The following SEC24C variants were observed in gnomAD, a reference collection of about 807,000 sequenced individuals.
The protein encoded by SEC24C is protein transport protein Sec24C.
Under a neutral mutation model 117.0 loss-of-function variants are expected in SEC24C, and 22 were observed. That is an observed-to-expected ratio of 0.19 (90% confidence interval 0.13 to 0.27). The LOEUF (loss-of-function observed/expected upper bound fraction) is 0.27. Among genes scored for constraint, SEC24C ranks in the 10% least tolerant of loss-of-function variants. The pLI is 1.00. For synonymous variants in SEC24C, 506 were observed against 529.4 expected, an observed-to-expected ratio of 0.96 and a Z score of 0.61; for missense variants, 1,155 against 1,375.1, an observed-to-expected ratio of 0.84 and a Z score of 2.53.
intron 3 of SEC24C, among the ~76,000 whole-genome samples, chr10:73,753,989 T>G (rs904861663): frequency 2.6e-5 from 4 of 152,080 alleles, no homozygotes; most frequent in African/African-American, 9.7e-5. Context: ...TACCTGTCAT[T>G]AGTGTAGTGT....
At chr10:73,754,499 T>C (rs2082684460) in intron 3 of SEC24C, among the ~76,000 whole-genome samples, 1 of 152,206 alleles carries the variant, frequency 6.6e-6, no homozygotes, top group African/African-American at 2.4e-5. Flanking sequence ...ACCTTCAAGA[T>C]GTATCCCAAA....
chr10:73,753,391 T>A (rs1180048745), intron 3 of SEC24C, among the ~76,000 whole-genome samples: 2 of 152,136 alleles, frequency 1.3e-5, no homozygotes, highest in Non-Finnish European at 2.9e-5. Context: ...TACACTTGGC[T>A]GGGTGAGGTG....
chr10:73,748,686 C>A (rs1224612990), intron 2 of SEC24C, among the ~76,000 whole-genome samples: 2 of 151,946 alleles, frequency 1.3e-5, no homozygotes, highest in African/African-American at 4.8e-5. Context: ...ATCCACCCGC[C>A]TCAGCCTCCC....
At chr10:73,758,080 C>G (rs892253007) in intron 3 of SEC24C, among the ~76,000 whole-genome samples, 1 of 151,506 alleles carries the variant, frequency 6.6e-6, no homozygotes, top group African/African-American at 2.4e-5. Context: ...ACTAAAAATA[C>G]AAAAATTAGC....
rs1281428221 is a variant in SEC24C at position 73,765,464 on chromosome 10, T to C, written c.1241T>C (p.Val414Ala). ...TTTGCGCCTTAGGCTTCACCGTATG[T>C]TGTGGACCATGGGGAATCTGGCCCT... ...RLPPEEASPY[V>A]VDHGESGPLR... Residue 414 changes from valine (V) to alanine (A), a missense_variant, in exon 9 of 23, where the codon GTT becomes GCT. This residue lies in a region of SEC24C where 759 missense variants were observed against 992.3 expected (regional missense o/e 0.76). Transcript: ENST00000345254. 1 of 1,613,414 alleles carries C rather than the reference T, an allele frequency of 6.2e-7. No individual in the cohort carries two copies. Among genetic ancestry groups the C allele is most frequent in the East Asian group, 2.2e-5 (1 of 44,862 alleles).
At chr10:73,758,044 G>A (rs2082738566) in intron 3 of SEC24C, among the ~76,000 whole-genome samples, 1 of 151,118 alleles carries the variant, frequency 6.6e-6, no homozygotes, top group South Asian at 2.1e-4. Context: ...AGACCAGCCC[G>A]GCCAACATAG....
chr10:73,746,091 T>G (rs1373780365), intron 1 of SEC24C, among the ~76,000 whole-genome samples: 1 of 137,002 alleles, frequency 7.3e-6, no homozygotes, highest in African/African-American at 2.8e-5. Context: ...ACCCAGGAGG[T>G]GAAGGTTGCA....
chr10:73,767,621 T>G (rs2082904999), intron 14 of SEC24C, among the ~76,000 whole-genome samples: 1 of 152,106 alleles, frequency 6.6e-6, no homozygotes, highest in Non-Finnish European at 1.5e-5. Context: ...TGAGCTGAGA[T>G]CATGCCACTC....
intron 3 of SEC24C, among the ~76,000 whole-genome samples, chr10:73,755,588 A>G (rs961019498): frequency 6.6e-6 from 1 of 151,618 alleles, no homozygotes. Context: ...GAGGCAGGAG[A>G]ATGGCGTGAA....
At position 73,769,554 on chromosome 10, in the gene SEC24C, A is replaced by C; in HGVS notation, c.2564-61A>C. On this transcript the variant is annotated intron_variant, in intron 18 of 22. Coordinates refer to ENST00000345254, the MANE Select transcript of SEC24C (RefSeq NM_198597.3). The surrounding 1 kb of genome is among the most constrained non-coding windows in gnomAD (Gnocchi z 4.5). ...CCAGGATGGTGAGTGGGTAGTTGTGATGGTGGGAATGCACACATGATGGGC... is the reference window on the plus strand; with the variant it reads ...CCAGGATGGTGAGTGGGTAGTTGTGCTGGTGGGAATGCACACATGATGGGC... 1 of 1,612,806 alleles carries C rather than the reference A, an allele frequency of 6.2e-7. No homozygotes were observed. The highest frequency in any genetic ancestry group is 8.5e-7 in the Non-Finnish European group (1 of 1,178,974).
Position 73,760,253 on chromosome 10 carries a change from C to T in SEC24C, c.717C>T (p.Pro239=). The change falls in exon 5 of 23, where the codon CCC becomes CCT. Residue 239 remains proline (P), a synonymous_variant. Coordinates refer to ENST00000345254, the MANE Select transcript of SEC24C (RefSeq NM_198597.3). ...PLLPGQSFGG[P]SVSQPNHVSS... The stretch of plus-strand genomic sequence containing the variant: ...TGCCTGGACAGAGTTTTGGAGGGCC[C>T]TCAGTGAGCCAGCCCAACCATGTGT... The T allele has an allele frequency of 5.0e-6, 8 of 1,614,132 alleles. No homozygotes were observed. Among genetic ancestry groups the T allele is most frequent in the Middle Eastern group, 1.6e-4 (1 of 6,062 alleles).
At chr10:73,747,691 C>CTTTTTTTTTTTTTTT in intron 2 of SEC24C, among the ~76,000 whole-genome samples, 1 of 123,898 alleles carries the variant, frequency 8.1e-6, no homozygotes, top group Non-Finnish European at 1.7e-5. Context: ...CAGAGTTTTA[C>CTTTTTTTTTTTTTTT]TCTTGTTGCC....
chr10:73,760,695 C>T lies in SEC24C; in HGVS notation c.851-18C>T, dbSNP rs2082784208. On this transcript the variant is annotated intron_variant, in intron 5 of 22. Transcript: ENST00000345254. ...GGGATGGGATTTTGAGTTCATCAACCTTGTGTCCTTGTCTCAGGTTCCTTC... is the reference window on the plus strand; with the variant it reads ...GGGATGGGATTTTGAGTTCATCAACTTTGTGTCCTTGTCTCAGGTTCCTTC... The T allele has an allele frequency of 6.4e-7, 1 of 1,573,696 alleles. No homozygotes were observed. Among genetic ancestry groups the T allele is most frequent in the Non-Finnish European group, 8.6e-7 (1 of 1,161,680 alleles).
At chr10:73,754,714 T>G (rs1225054029) in intron 3 of SEC24C, among the ~76,000 whole-genome samples, 1 of 152,172 alleles carries the variant, frequency 6.6e-6, no homozygotes, top group Non-Finnish European at 1.5e-5. Flanking sequence ...CCTCAGTCTA[T>G]AGATATTTAA....
intron 3 of SEC24C, among the ~76,000 whole-genome samples, chr10:73,756,663 C>G (rs759871936): frequency 6.6e-6 from 1 of 151,588 alleles, no homozygotes; most frequent in Non-Finnish European, 1.5e-5. Flanking sequence ...TGCAATAGCA[C>G]GATCTCAGCT....
At position 73,769,541 on chromosome 10, in the gene SEC24C, G is replaced by GT; in HGVS notation, c.2563+57dup. On this transcript the variant is annotated intron_variant, in intron 18 of 22. Transcript: ENST00000345254. The surrounding 1 kb of genome is among the most constrained non-coding windows in gnomAD (Gnocchi z 4.5). ...GGGGCTGAGAGGTCCAGGATGGTGA[G>GT]TGGGTAGTTGTGATGGTGGGAATGC... 6.2e-7 allele frequency: 1 copy of GT among 1,613,284 alleles called. No homozygotes were observed. Among genetic ancestry groups the GT allele is most frequent in the East Asian group, 2.2e-5 (1 of 44,874 alleles).
At chr10:73,765,384 C>T in intron 8 of SEC24C, 67 bp from the exon 9 acceptor site, 1 of 1,565,664 alleles carries the variant, frequency 6.4e-7, no homozygotes, top group Non-Finnish European at 8.8e-7. Flanking sequence ...GGTTGTTCTT[C>T]CTCATCTCCT....
chr10:73,761,761 G>C lies in SEC24C; in HGVS notation c.987+912G>C, dbSNP rs1401438893. Reference sequence around the variant, plus strand: ...TTCTTTCAGCATAAGATAGTCCTTAGAATGGGAGGTTTGGCCTTTTAGGGG... The same window carrying C: ...TTCTTTCAGCATAAGATAGTCCTTACAATGGGAGGTTTGGCCTTTTAGGGG... On this transcript the variant is annotated intron_variant, in intron 6 of 22. Transcript: ENST00000345254. Among the ~76,000 whole-genome samples, 51 of 152,058 alleles carry C rather than the reference G, an allele frequency of 3.4e-4. 1 individual carries two copies. The highest frequency in any genetic ancestry group is 3.3e-3 in the Admixed American group (51 of 15,272).
Position 73,768,046 on chromosome 10 carries a change from C to T in SEC24C, c.2181+39C>T, listed in dbSNP as rs576686695. The T allele has an allele frequency of 1.6e-5, 25 of 1,575,456 alleles. 1 individual carries two copies. In the South Asian group the frequency reaches 2.6e-4, roughly 16 times the overall value. ...TTTGGGGCAGCAGGTGGCAGCAGGG[C>T]TGGGAATATCTGCTTATATATGCAG... On this transcript the variant is annotated intron_variant, in intron 15 of 22. Transcript: ENST00000345254.
Sources: gnomAD v4.1 joint callset for allele counts (sites outside exome capture counted in the v4.1 genomes callset) on GRCh38, gnomAD v4.1.1 for gene constraint, gnomAD v4.1.1 regional missense constraint, Gnocchi (gnomAD v3.1) non-coding constraint, MANE v1.5 for transcripts, NCBI Gene and HGNC (gene_info 2026-07-23, HGNC 2026-07-21) for gene names.